Variants in DZANK1 observed in about 807,000 individuals in gnomAD.
DZANK1 encodes the protein double zinc ribbon and ankyrin repeat domains 1, also known as double zinc ribbon and ankyrin repeat-containing protein 1.
DZANK1 carries 91 observed loss-of-function variants against 94.5 expected under a neutral mutation model. The observed-to-expected ratio is 0.96, with a 90% CI of 0.81 to 1.15. The LOEUF is 1.15. Ranked by LOEUF, DZANK1 falls within the 50% of genes most tolerant of loss-of-function variation. DZANK1 has a pLI of 0.00. For missense variants in DZANK1, 903 were observed against 916.4 expected (o/e 0.99, Z 0.19); for synonymous variants, 312 against 325.3 (o/e 0.96, Z 0.44).
intron 13 of DZANK1, among the ~76,000 whole-genome samples, chr20:18,399,686 A>C (rs775073939): frequency 6.6e-6 from 1 of 152,204 alleles, no homozygotes; most frequent in Non-Finnish European, 1.5e-5. Flanking sequence ...CACCATTTAA[A>C]ACTTGGGAGA....
chr20:18,439,304 C>T (rs1056742542), intron 8 of DZANK1, among the ~76,000 whole-genome samples: 1 of 152,186 alleles, frequency 6.6e-6, no homozygotes, highest in African/African-American at 2.4e-5. Flanking sequence ...TGCAAAGCTC[C>T]AGGGTCCTTC....
intron 15 of DZANK1, among the ~76,000 whole-genome samples, chr20:18,395,506 A>T (rs1291555837): frequency 1.3e-5 from 2 of 152,162 alleles, no homozygotes; most frequent in African/African-American, 4.8e-5. Context: ...TACTCACCCC[A>T]GCTGTTGTGT....
chr20:18,434,017 C>T (rs539155438), intron 8 of DZANK1: 93 of 410,906 alleles, frequency 2.3e-4, no homozygotes, highest in African/African-American at 1.7e-3. Context: ...TTGACCACTA[C>T]ACATTATTTG....
chr20:18,433,844 C>A, intron 8 of DZANK1, 79 bp from the exon 9 acceptor site: 2 of 1,279,644 alleles, frequency 1.6e-6, no homozygotes, highest in South Asian at 2.5e-5. Context: ...AAGGTTTGGT[C>A]TACAGCCGTA....
At chr20:18,443,429 G>A (rs1452867572) in exon 8 of DZANK1, 1 of 1,509,460 alleles carries the variant, frequency 6.6e-7, no homozygotes, top group Admixed American at 2.3e-5. Flanking sequence ...GCGAGCAAAG[G>A]GATCTGATGG....
At chr20:18,443,509 A>G in intron 7 of DZANK1, 45 bp from the exon 8 acceptor site, 1 of 1,115,754 alleles carries the variant, frequency 9.0e-7, no homozygotes, top group Non-Finnish European at 1.2e-6. Context: ...TGGTGGGCCC[A>G]CATTAAGAAG....
At chr20:18,384,489 G>C (rs764891135) in exon 21 of DZANK1, 2 of 1,612,090 alleles carry the variant, frequency 1.2e-6, no homozygotes, top group East Asian at 2.2e-5. Context: ...AGGTGACAAG[G>C]TCATCTCCAG....
chr20:18,394,455 T>C, intron 15 of DZANK1, 105 bp from the exon 16 acceptor site: 4 of 1,082,612 alleles, frequency 3.7e-6, no homozygotes, highest in South Asian at 2.7e-5. Flanking sequence ...AGTACAGCTC[T>C]ACCTACCCAG....
At chr20:18,397,460 A>T (rs537299164) in intron 14 of DZANK1, among the ~76,000 whole-genome samples, 10 of 152,158 alleles carry the variant, frequency 6.6e-5, no homozygotes, top group Non-Finnish European at 1.5e-4. Context: ...ATCTGCTTCA[A>T]ATCTTGAACC....
chr20:18,457,468 C>G (rs8122697), intron 3 of DZANK1, among the ~76,000 whole-genome samples: 11,669 of 152,138 alleles, frequency 0.077, 610 homozygotes, highest in Middle Eastern at 0.12. Context: ...CACAGCGAGA[C>G]CCTGTCTCAA....
chr20:18,387,598 A>G (rs1387084160), intron 19 of DZANK1, among the ~76,000 whole-genome samples: 1 of 152,212 alleles, frequency 6.6e-6, no homozygotes, highest in Non-Finnish European at 1.5e-5. Flanking sequence ...CTCTTGTCCA[A>G]AAGCAAACAG....
chr20:18,431,416 T>A (rs2058280479), intron 9 of DZANK1, among the ~76,000 whole-genome samples: 1 of 152,232 alleles, frequency 6.6e-6, no homozygotes, highest in African/African-American at 2.4e-5. Flanking sequence ...AATGGCATGC[T>A]GCCGCCTGCC....
intron 13 of DZANK1, among the ~76,000 whole-genome samples, chr20:18,409,926 G>A (rs564777640): frequency 6.6e-6 from 1 of 151,620 alleles, no homozygotes; most frequent in South Asian, 2.1e-4. Context: ...AAAATTATCT[G>A]GGAGGCTGAG....
chr20:18,410,943 C>G (rs1369131720), intron 13 of DZANK1, among the ~76,000 whole-genome samples: 2 of 152,048 alleles, frequency 1.3e-5, no homozygotes, highest in Admixed American at 1.3e-4. Flanking sequence ...AAAGTGAGAT[C>G]CTATCTCAAA....
chr20:18,417,024 C>CAAAAAAAAAAAA (rs758353663), intron 10 of DZANK1, among the ~76,000 whole-genome samples: 1 of 52,920 alleles, frequency 1.9e-5, no homozygotes, highest in African/African-American at 5.7e-5. Flanking sequence ...ATCAAAAAAA[C>CAAAAAAAAAAAA]AAAAAAAAAC....
At chr20:18,463,681 T>C (rs1237037871) in intron 2 of DZANK1, among the ~76,000 whole-genome samples, 1 of 152,218 alleles carries the variant, frequency 6.6e-6, no homozygotes, top group Non-Finnish European at 1.5e-5. Flanking sequence ...CTCCTAAGAA[T>C]TATGGGCACA....
rs1568857603 is a variant in DZANK1 at position 18,385,004 on chromosome 20, C to T, written c.2093+12G>A. On this transcript the variant is annotated intron_variant, in intron 20 of 20. Coordinates refer to ENST00000262547, the Ensembl canonical transcript of DZANK1. ...GCCCTCAAAAGTATCCATCAGAGGC[C>T]AGGGGACATACCCCAGTAAAGTGGC... is the stretch of plus-strand genomic sequence containing the variant. 3.9e-6 allele frequency: 6 copies of T among 1,552,008 alleles called. No individual in the cohort carries two copies. Among genetic ancestry groups the T allele is most frequent in the Non-Finnish European group, 5.2e-6 (6 of 1,147,290 alleles).
At position 18,443,235 on chromosome 20, in the gene DZANK1, T is replaced by C; in HGVS notation, c.747+112A>G. 3.9e-6 allele frequency: 3 copies of C among 778,190 alleles called. No homozygotes were observed. In the South Asian group the frequency reaches 4.8e-5, roughly 12 times the overall value. 48.2% of individuals were successfully genotyped at this position (778,190 alleles called of 1,614,324 possible). A position where few individuals can be genotyped will look rare whatever the true frequency, so the allele number is the denominator to read the frequency against. ...TGTAAGAGTTCAATCAGCCAGTAAT[T>C]CTTCAACAAGTATTTATATGTGCAG... On this transcript the variant is annotated intron_variant, in intron 8 of 20. Transcript: ENST00000262547.
At chr20:18,396,670 G>A (rs2056360546) in intron 14 of DZANK1, 124 bp from the exon 15 acceptor site, 4 of 606,552 alleles carry the variant, frequency 6.6e-6, no homozygotes, top group Non-Finnish European at 1.1e-5. Flanking sequence ...TAACACAGAA[G>A]AAAGTAGGAA....
Sources: gnomAD v4.1 joint callset for allele counts (sites outside exome capture counted in the v4.1 genomes callset) on GRCh38, gnomAD v4.1.1 for gene constraint, MANE v1.5 for transcripts, NCBI Gene and HGNC (gene_info 2026-07-23, HGNC 2026-07-21) for gene names.